Variants in PRKCB observed in about 807,000 individuals in gnomAD.
PRKCB encodes the protein protein kinase C beta type.
A neutral mutation model predicts 81.5 loss-of-function variants in PRKCB; 13 were observed. The ratio of observed to expected loss-of-function variants is 0.16; its 90% confidence interval spans 0.10 to 0.25. PRKCB has a LOEUF of 0.25. Among genes scored for constraint, PRKCB ranks in the 10% least tolerant of loss-of-function variants. The pLI is 1.00. For missense variants in PRKCB, 509 were observed against 875.7 expected, an observed-to-expected ratio of 0.58 and a Z score of 5.29; for synonymous variants, 335 against 321.4, an observed-to-expected ratio of 1.04 and a Z score of -0.45.
intron 5 of PRKCB, among the ~76,000 whole-genome samples, chr16:24,043,225 T>C (rs1399501810): frequency 6.6e-6 from 1 of 152,234 alleles, no homozygotes; most frequent in African/African-American, 2.4e-5. Flanking sequence ...TATTGGGATG[T>C]CTATTATACC....
At chr16:24,140,555 G>A (rs145832077) in intron 9 of PRKCB, among the ~76,000 whole-genome samples, 1,529 of 152,238 alleles carry the variant, frequency 0.01, 21 homozygotes, top group Non-Finnish European at 0.015. Context: ...CTGATTGGTT[G>A]GAGATGCAGT....
At chr16:24,012,914 A>G (rs1385691538) in intron 3 of PRKCB, among the ~76,000 whole-genome samples, 1 of 152,210 alleles carries the variant, frequency 6.6e-6, no homozygotes, top group African/African-American at 2.4e-5. Context: ...CTTGGCTGAG[A>G]TACTCTTCTC....
chr16:23,945,623 G>A (rs1196344623), intron 2 of PRKCB, among the ~76,000 whole-genome samples: 2 of 152,134 alleles, frequency 1.3e-5, no homozygotes, highest in Non-Finnish European at 2.9e-5. Flanking sequence ...GCCAGAAGCC[G>A]TGGAATCTCA....
At chr16:24,167,365 G>A (rs559105191) in intron 10 of PRKCB, among the ~76,000 whole-genome samples, 28 of 152,236 alleles carry the variant, frequency 1.8e-4, no homozygotes, top group Non-Finnish European at 4.0e-4. Context: ...AAATTAGTCA[G>A]TGTGGGCAAC....
At chr16:23,933,177 G>A (rs961518500) in intron 2 of PRKCB, among the ~76,000 whole-genome samples, 1 of 152,130 alleles carries the variant, frequency 6.6e-6, no homozygotes, top group African/African-American at 2.4e-5. Flanking sequence ...ACCCAGTTTG[G>A]GTCATGTAGG....
intron 2 of PRKCB, among the ~76,000 whole-genome samples, chr16:23,895,515 C>T (rs546710332): frequency 5.9e-4 from 90 of 152,242 alleles, no homozygotes; most frequent in African/African-American, 2.1e-3. Flanking sequence ...TGCTCGTCTC[C>T]TACTATGATA....
chr16:23,952,081 G>T (rs1242294378), intron 2 of PRKCB, among the ~76,000 whole-genome samples: 1 of 151,900 alleles, frequency 6.6e-6, no homozygotes. Flanking sequence ...AGTTTTTTTT[G>T]TGTGTAAACG....
chr16:24,101,649 T>A (rs956492927), intron 7 of PRKCB, among the ~76,000 whole-genome samples: 1 of 152,256 alleles, frequency 6.6e-6, no homozygotes, highest in Non-Finnish European at 1.5e-5. Flanking sequence ...AGCTTGGAGA[T>A]TAGAAGCAGA....
chr16:24,065,703 A>G lies in PRKCB; in HGVS notation c.530-27088A>G, dbSNP rs376207254. Among the ~76,000 whole-genome samples the G allele has an allele frequency of 9.8e-5, 15 of 152,310 alleles. 3 individuals carry two copies. Among genetic ancestry groups the G allele is most frequent in the Admixed American group, 3.3e-4 (5 of 15,298 alleles). The stretch of plus-strand genomic sequence containing the variant: ...TATTTAGTTTAGGCCTGCTGCAAAT[A>G]CATCTTAAGATACTTGTATTTCAAG... On this transcript the variant is annotated intron_variant, in intron 5 of 16. Coordinates refer to ENST00000643927, the MANE Select transcript of PRKCB (RefSeq NM_002738.7).
intron 2 of PRKCB, among the ~76,000 whole-genome samples, chr16:23,856,189 A>G (rs1409544244): frequency 1.3e-5 from 2 of 152,202 alleles, no homozygotes; most frequent in Non-Finnish European, 2.9e-5. Context: ...TCCAGCTACC[A>G]GAGAGGAGAG....
chr16:24,190,987 C>G lies in PRKCB; in HGVS notation c.1723-103C>G, dbSNP rs150673606. On this transcript the variant is annotated intron_variant, in intron 15 of 16. Transcript: ENST00000643927. ...AAAACAAAAATGAGTTGAGATTCTT[C>G]ATTTGCGCTTTCTTTCCTAATGCAT... The G allele has an allele frequency of 4.3e-5, 59 of 1,366,840 alleles. No individual in the cohort carries two copies. The African/African-American group carries it at 8.2e-4, about 19-fold the overall frequency. 84.7% of individuals were successfully genotyped at this position (1,366,840 alleles called of 1,614,324 possible). A position where few individuals can be genotyped will look rare whatever the true frequency, so the allele number is the denominator to read the frequency against.
At chr16:24,083,117 A>G (rs1047187614) in intron 5 of PRKCB, among the ~76,000 whole-genome samples, 1 of 152,220 alleles carries the variant, frequency 6.6e-6, no homozygotes, top group Admixed American at 6.5e-5. Flanking sequence ...AATGCAAATT[A>G]AAACCACAAT....
At chr16:23,842,899 A>T (rs1201872702) in intron 2 of PRKCB, among the ~76,000 whole-genome samples, 1 of 152,180 alleles carries the variant, frequency 6.6e-6, no homozygotes, top group Non-Finnish European at 1.5e-5. Flanking sequence ...TTTTCTATGG[A>T]AAGCTAGAAT....
chr16:24,037,082 G>A (rs35707700), intron 5 of PRKCB, among the ~76,000 whole-genome samples: 5 of 152,048 alleles, frequency 3.3e-5, no homozygotes, highest in East Asian at 1.9e-4. Flanking sequence ...TCCACCTCCC[G>A]GGTTCAAGCG....
chr16:24,146,941 A>G (rs889586372), intron 9 of PRKCB, among the ~76,000 whole-genome samples: 1 of 152,118 alleles, frequency 6.6e-6, no homozygotes, highest in Non-Finnish European at 1.5e-5. Context: ...ATTTAAAGGA[A>G]CATTTTTGAA....
intron 4 of PRKCB, among the ~76,000 whole-genome samples, chr16:24,032,659 A>T (rs893449373): frequency 1.3e-5 from 2 of 152,080 alleles, no homozygotes; most frequent in Non-Finnish European, 2.9e-5. Context: ...TTTCCTCCTC[A>T]GTGGGCTAGG....
intron 2 of PRKCB, among the ~76,000 whole-genome samples, chr16:23,880,710 A>T (rs1012635279): frequency 1.3e-5 from 2 of 151,070 alleles, no homozygotes; most frequent in Non-Finnish European, 3.0e-5. Flanking sequence ...TCGCTAAAAC[A>T]TTTTTTTTTC....
intron 5 of PRKCB, among the ~76,000 whole-genome samples, chr16:24,043,609 A>C (rs957121767): frequency 1.3e-5 from 2 of 152,152 alleles, no homozygotes; most frequent in African/African-American, 4.8e-5. Flanking sequence ...TCAGGCACTG[A>C]AGTTTTGGGA....
At chr16:23,867,157 A>C (rs530057661) in intron 2 of PRKCB, among the ~76,000 whole-genome samples, 1 of 141,540 alleles carries the variant, frequency 7.1e-6, no homozygotes, top group African/African-American at 2.7e-5. Context: ...TCCGAGTCTC[A>C]CTCTGTCGCC....
Sources: gnomAD v4.1 joint callset for allele counts (sites outside exome capture counted in the v4.1 genomes callset) on GRCh38, gnomAD v4.1.1 for gene constraint, MANE v1.5 for transcripts, NCBI Gene and HGNC (gene_info 2026-07-23, HGNC 2026-07-21) for gene names.